The following PDE11A variants were observed in gnomAD, a reference collection of about 807,000 sequenced individuals.
PDE11A encodes phosphodiesterase 11A, also known as dual 3',5'-cyclic-AMP and -GMP phosphodiesterase 11A.
Under a neutral mutation model 100.5 loss-of-function variants are expected in PDE11A, and 100 were observed. That is an observed-to-expected ratio of 1.00 (90% CI 0.85 to 1.18). The LOEUF (loss-of-function observed/expected upper bound fraction) is 1.18, where lower values mean the gene tolerates loss of function less well. PDE11A is among the 50% of genes most tolerant of loss of function. PDE11A has a pLI of 0.00. For synonymous variants in PDE11A, 381 were observed against 420.8 expected (o/e 0.91, Z 1.16); for missense variants, 1,141 against 1,152.6 (o/e 0.99, Z 0.15).
chr2:177,945,600 A>G (rs2105777323), intron 2 of PDE11A, among the ~76,000 whole-genome samples: 1 of 150,062 alleles, frequency 6.7e-6, no homozygotes, highest in South Asian at 2.1e-4. Context: ...CCCGTCTGAA[A>G]AGTGAGGAGC....
chr2:177,719,613 C>T (rs1032276516), intron 12 of PDE11A, among the ~76,000 whole-genome samples: 2 of 152,092 alleles, frequency 1.3e-5, no homozygotes, highest in Non-Finnish European at 2.9e-5. Flanking sequence ...CACCATATTC[C>T]TAATCTGTGT....
chr2:177,629,265 A>G lies in PDE11A; in HGVS notation c.*142T>C, dbSNP rs2079880056. Reference sequence around the variant, plus strand: ...TCTCTCTGCTGCTGACCATGCTTCAAGGTGAAAGCCCAGGCATGCTTCCCA... The same window carrying G: ...TCTCTCTGCTGCTGACCATGCTTCAGGGTGAAAGCCCAGGCATGCTTCCCA... On this transcript the variant is annotated 3_prime_UTR_variant, in exon 20 of 20. Transcript: ENST00000286063. 7.6e-6 allele frequency: 6 copies of G among 791,094 alleles called. No homozygotes were observed. Among genetic ancestry groups the G allele is most frequent in the Non-Finnish European group, 1.3e-5 (6 of 448,342 alleles). 49.0% of individuals were successfully genotyped at this position (791,094 alleles called of 1,614,324 possible).
intron 1 of PDE11A, among the ~76,000 whole-genome samples, chr2:178,023,231 G>A (rs550712178): frequency 2.6e-4 from 39 of 152,200 alleles, no homozygotes; most frequent in African/African-American, 9.1e-4. Flanking sequence ...ATCCACAAAG[G>A]CTGTAAAAAG....
In PDE11A at chr2:177,876,417, C is replaced by T. The variant is rs1214933874; in HGVS notation, c.1303-494G>A. Among the ~76,000 whole-genome samples the T allele has an allele frequency of 2.0e-5, 3 of 148,074 alleles. 1 individual carries two copies. The highest frequency in any genetic ancestry group is 7.7e-5 in the African/African-American group (3 of 38,758). ...ACCACCTAAAGGGTAAAGAGGAAGC[C>T]ACCTTATTCAACAATCATTCTTGTG... On this transcript the variant is annotated intron_variant, in intron 4 of 19. Transcript: ENST00000286063.
upstream of PDE11A, among the ~76,000 whole-genome samples, chr2:178,077,056 T>C (rs113377554): frequency 1.1e-3 from 167 of 152,222 alleles, 1 homozygote; most frequent in African/African-American, 3.7e-3. Flanking sequence ...GTAAGCCCAA[T>C]ATGCAAGAGC....
chr2:178,059,054 A>C (rs1044876956), intron 1 of PDE11A, among the ~76,000 whole-genome samples: 10 of 152,016 alleles, frequency 6.6e-5, no homozygotes, highest in African/African-American at 2.4e-4. Context: ...AATTCTTAAT[A>C]ATTTTATTTT....
At chr2:177,642,821 G>A (rs1035437311) in intron 19 of PDE11A, among the ~76,000 whole-genome samples, 2 of 152,180 alleles carry the variant, frequency 1.3e-5, no homozygotes, top group Admixed American at 1.3e-4. Context: ...CATGTCATGG[G>A]AGGAACCCAG....
intron 14 of PDE11A, 143 bp downstream of exon 14, chr2:177,700,978 G>A (rs1365941131): frequency 2.5e-5 from 18 of 707,512 alleles, no homozygotes; most frequent in Middle Eastern, 2.6e-4. Flanking sequence ...AACAGAAAAA[G>A]CTACTAAGGC....
intron 1 of PDE11A, among the ~76,000 whole-genome samples, chr2:178,026,518 G>C (rs1043703084): frequency 6.6e-6 from 1 of 152,044 alleles, no homozygotes; most frequent in South Asian, 2.1e-4. Context: ...AAAATTAGCT[G>C]GGCGTGATGG....
At chr2:178,082,701 C>A (rs1478076625) in intron 2 of PDE11A, among the ~76,000 whole-genome samples, 1 of 152,200 alleles carries the variant, frequency 6.6e-6, no homozygotes, top group Non-Finnish European at 1.5e-5. Flanking sequence ...AAAACAGAAG[C>A]ATTAGCATGA....
intron 3 of PDE11A, among the ~76,000 whole-genome samples, chr2:177,904,697 G>A (rs1189367705): frequency 6.6e-6 from 1 of 151,302 alleles, no homozygotes; most frequent in African/African-American, 2.4e-5. Context: ...TGGGACTACA[G>A]GCACCACCAC....
rs557953570 is a variant in PDE11A at position 177,985,281 on chromosome 2, T to C, written c.1071+29021A>G. 1.1e-3 allele frequency among the ~76,000 whole-genome samples: 167 copies of C among 152,342 alleles called. 2 individuals carry two copies. The highest frequency in any genetic ancestry group is 0.01 in the Middle Eastern group (3 of 294). On this transcript the variant is annotated intron_variant, in intron 2 of 19. Transcript: ENST00000286063. ...CTACATGTCAAATAGAGTTGGTAAC[T>C]GAAATTAATAATGTAGATACATAGT...
intron 1 of PDE11A, among the ~76,000 whole-genome samples, chr2:178,068,634 T>C (rs1474463316): frequency 6.6e-6 from 1 of 152,154 alleles, no homozygotes; most frequent in Non-Finnish European, 1.5e-5. Flanking sequence ...CATATTTACA[T>C]AGAAACTTCA....
Position 177,987,473 on chromosome 2 carries a change from T to C in PDE11A, c.1071+26829A>G, listed in dbSNP as rs527682399. ...CATTTTTCTTATCTCAAAGTGGGGA[T>C]AATGATACATACCAAATTGGGTAGT... On this transcript the variant is annotated intron_variant, in intron 2 of 19. Coordinates refer to ENST00000286063, the MANE Select transcript of PDE11A (RefSeq NM_016953.4). Among the ~76,000 whole-genome samples, 39 of 152,368 alleles carry C rather than the reference T, an allele frequency of 2.6e-4. 1 individual carries two copies. The South Asian group carries it at 8.1e-3, about 32-fold the overall frequency.
intron 18 of PDE11A, among the ~76,000 whole-genome samples, chr2:177,665,492 AT>A (rs2080559662): frequency 3.4e-5 from 3 of 88,470 alleles, no homozygotes; most frequent in African/African-American, 1.0e-4. Flanking sequence ...AAAAAAAATA[AT>A]AATAATAAAT....
intron 12 of PDE11A, among the ~76,000 whole-genome samples, chr2:177,717,345 C>T (rs2081454415): frequency 6.6e-6 from 1 of 151,420 alleles, no homozygotes. Context: ...TCCATTCAGG[C>T]CTGCACGTAC....
intron 17 of PDE11A, among the ~76,000 whole-genome samples, chr2:177,673,846 T>C (rs979612920): frequency 2.0e-5 from 3 of 152,176 alleles, no homozygotes; most frequent in Non-Finnish European, 4.4e-5. Flanking sequence ...TTCTGGCTGA[T>C]GAATTGTTGC....
rs905761604 is a variant in PDE11A, at chr2:177,721,562, A to G, written c.2043+6096T>C. Reference sequence around the variant, plus strand: ...TATAATGCATTTTAAAAGGAACCAAAAGAAAAATATCAGATTCTTAAGGAC... The same window carrying G: ...TATAATGCATTTTAAAAGGAACCAAGAGAAAAATATCAGATTCTTAAGGAC... On this transcript the variant is annotated intron_variant, in intron 12 of 19. Coordinates refer to ENST00000286063, the MANE Select transcript of PDE11A (RefSeq NM_016953.4). Among the ~76,000 whole-genome samples, 5 of 152,282 alleles carry G rather than the reference A, an allele frequency of 3.3e-5. No individual in the cohort carries two copies. The Middle Eastern group carries it at 0.01, about 311-fold the overall frequency.
chr2:177,910,445 T>TAC (rs72185959), intron 2 of PDE11A, among the ~76,000 whole-genome samples: 10 of 111,314 alleles, frequency 9.0e-5, no homozygotes, highest in African/African-American at 3.3e-4. Flanking sequence ...TATATATATA[T>TAC]ACACACACAC....
Sources: allele counts gnomAD v4.1 joint callset (sites outside exome capture counted in the v4.1 genomes callset), GRCh38; gene constraint gnomAD v4.1.1; transcripts MANE v1.5; gene names NCBI Gene and HGNC (gene_info 2026-07-23, HGNC 2026-07-21).